Variants in DLG4 observed in about 807,000 individuals in gnomAD.
DLG4 encodes discs large MAGUK scaffold protein 4, also known as disks large homolog 4.
DLG4 carries 7 observed loss-of-function variants against 93.8 expected under a neutral mutation model. The ratio of observed to expected loss-of-function variants is 0.07; its 90% CI spans 0.04 to 0.14. The LOEUF is 0.14. Ranked by LOEUF, DLG4 falls within the 10% of genes least tolerant of loss-of-function variation. The pLI, the probability that DLG4 is intolerant of heterozygous loss-of-function variation, is 1.00. For missense variants in DLG4, 545 were observed against 992.9 expected (o/e 0.55, Z 6.06); for synonymous variants, 341 against 387.6 (o/e 0.88, Z 1.41).
intron 2 of DLG4, among the ~76,000 whole-genome samples, chr17:7,206,835 G>T (rs1040107050): frequency 1.3e-5 from 2 of 151,958 alleles, no homozygotes; most frequent in Non-Finnish European, 2.9e-5. Context: ...CATCTTCTTG[G>T]TGAAATGTCA....
intron 2 of DLG4, among the ~76,000 whole-genome samples, chr17:7,206,329 C>A (rs2070461489): frequency 6.6e-6 from 1 of 152,152 alleles, no homozygotes; most frequent in Non-Finnish European, 1.5e-5. Context: ...AGATTATTCT[C>A]AAGTAACAAT....
At position 7,193,141 on chromosome 17, in the gene DLG4, C is replaced by G. The variant is rs371000737; in HGVS notation, c.1694-24G>C. On this transcript the variant is annotated intron_variant, in intron 16 of 19. Transcript: ENST00000399506. This position sits in a 1 kb window ranked among gnomAD's most constrained non-coding sequence, Gnocchi z 6.7. The stretch of plus-strand genomic sequence containing the variant: ...ATCTGCCAGGAAGTCACCCCACCCC[C>G]CAAAGATCTAACCACCATCCCTCTA... The G allele has an allele frequency of 3.1e-6, 5 of 1,612,950 alleles. No individual in the cohort carries two copies. Among genetic ancestry groups the G allele is most frequent in the South Asian group, 2.2e-5 (2 of 90,992 alleles).
At chr17:7,199,979 CA>C (rs758701276) in intron 8 of DLG4, among the ~76,000 whole-genome samples, 171 of 54,256 alleles carry the variant, frequency 3.2e-3, no homozygotes, top group East Asian at 0.021. Flanking sequence ...GACTCCGTCT[CA>C]AAAAAAAAAA....
chr17:7,209,317 G>A (rs1018171861), intron 1 of DLG4, among the ~76,000 whole-genome samples: 1 of 152,292 alleles, frequency 6.6e-6, no homozygotes, highest in South Asian at 2.1e-4. Flanking sequence ...AGAAGACAGC[G>A]TTTCTGCCTG....
Position 7,194,312 on chromosome 17 carries a change from G to A in DLG4, c.1478+7C>T. Reference sequence around the variant, plus strand: ...GGCAGGAAGGCTACAGAGCCCAGGAGCCTCACCGCCGTTTGCTGGGGATGA... The same window carrying A: ...GGCAGGAAGGCTACAGAGCCCAGGAACCTCACCGCCGTTTGCTGGGGATGA... On this transcript the variant is annotated splice_region_variant and intron_variant, in intron 12 of 19. Coordinates refer to ENST00000399506, the MANE Select transcript of DLG4 (RefSeq NM_001321075.3). The surrounding 1 kb of genome is among the most constrained non-coding windows in gnomAD (Gnocchi z 4.4). The A allele has an allele frequency of 6.2e-7, 1 of 1,600,810 alleles. No homozygotes were observed. The highest frequency in any genetic ancestry group is 8.5e-7 in the Non-Finnish European group (1 of 1,174,436).
intron 1 of DLG4, among the ~76,000 whole-genome samples, chr17:7,212,230 TCTC>T (rs1247792177): frequency 2.0e-5 from 3 of 152,076 alleles, no homozygotes; most frequent in African/African-American, 7.2e-5. Context: ...GTGGATAGCA[TCTC>T]CTCAGATTCC....
At position 7,203,599 on chromosome 17, in the gene DLG4, A is replaced by T; in HGVS notation, c.336-6T>A. The T allele has an allele frequency of 6.2e-7, 1 of 1,609,512 alleles. No individual in the cohort carries two copies. Among genetic ancestry groups the T allele is most frequent in the African/African-American group, 1.3e-5 (1 of 74,954 alleles). ...ACAGGATGCTGTCGTTGACCCTGGG[A>T]GCAGCAAGGTGGGCCTGAGCCAAGA... On this transcript the variant is annotated splice_polypyrimidine_tract_variant and splice_region_variant and intron_variant, in intron 5 of 19. Transcript: ENST00000399506. The surrounding 1 kb of genome is among the most constrained non-coding windows in gnomAD (Gnocchi z 7.2).
intron 8 of DLG4, 54 bp downstream of exon 8, chr17:7,202,849 C>A (rs1475541021): frequency 6.2e-7 from 1 of 1,604,876 alleles, no homozygotes; most frequent in South Asian, 1.1e-5. Flanking sequence ...GACTGCATGT[C>A]ATGGGTTAAA....
chr17:7,191,908 G>A lies in DLG4; in HGVS notation c.1961C>T (p.Ser654Phe), dbSNP rs752934560. ...CCATACTCACAGCACATTCTCCAGG[G>A]AGCGGGGGCGGATGAAGATGGCGAT... ...HPIAIFIRPRSLENVLEINKR... is the reference protein window; with the variant it reads ...HPIAIFIRPRFLENVLEINKR... The change falls in exon 18 of 20, where the codon TCC (serine) becomes TTC (phenylalanine). Residue 654 changes from serine to phenylalanine, a missense_variant. Transcript: ENST00000399506. The surrounding 1 kb of genome is among the most constrained non-coding windows in gnomAD (Gnocchi z 6.6). 8.1e-6 allele frequency: 12 copies of A among 1,485,514 alleles called. No individual in the cohort carries two copies. The highest frequency in any genetic ancestry group is 1.1e-5 in the Non-Finnish European group (12 of 1,115,248). The allele number at this position is 1,485,514 out of a possible 1,614,324, so 92.0% of individuals were successfully genotyped here.
At chr17:7,213,061 ATTTTCC>A (rs2070768704) in intron 1 of DLG4, among the ~76,000 whole-genome samples, 1 of 133,602 alleles carries the variant, frequency 7.5e-6, no homozygotes, top group Non-Finnish European at 1.7e-5. Flanking sequence ...AATTAAAAGT[ATTTTCC>A]TTTTCCTTTT....
Position 7,193,777 on chromosome 17 carries a change from C to G in DLG4, c.1544-63G>C, listed in dbSNP as rs1047409808. On this transcript the variant is annotated intron_variant, in intron 14 of 19. Transcript: ENST00000399506. This position sits in a 1 kb window ranked among gnomAD's most constrained non-coding sequence, Gnocchi z 6.7. ...CAGGGGACCTGGAGCCCTGTCTCCC[C>G]CTTGAGGATATCAAAAGCAACTCAG... 21 of 1,611,194 alleles carry G rather than the reference C, an allele frequency of 1.3e-5. No individual in the cohort carries two copies. Among genetic ancestry groups the G allele is most frequent in the African/African-American group, 2.7e-5 (2 of 74,864 alleles).
chr17:7,189,102 ACT>A lies in DLG4; in HGVS notation c.*1604_*1605del, dbSNP rs1415887838. Among the ~76,000 whole-genome samples the A allele has an allele frequency of 5.7e-5, 8 of 139,298 alleles. No individual in the cohort carries two copies. The highest frequency in any genetic ancestry group is 1.2e-4 in the Non-Finnish European group (8 of 65,596). 91.4% of individuals were successfully genotyped at this position (139,298 alleles called of 152,430 possible). ...ACTCCAGCCTGAGCGAAAGAGCGAA[ACT>A]CTGTCTCAAAAAAAAAAAAAAAAGG... On this transcript the variant is annotated 3_prime_UTR_variant, in exon 20 of 20. Coordinates refer to ENST00000399506, the MANE Select transcript of DLG4 (RefSeq NM_001321075.3).
rs374936006 is a variant in DLG4 at position 7,203,996 on chromosome 17, G to A, written c.210+12C>T. 7.5e-6 allele frequency: 12 copies of A among 1,610,608 alleles called. No individual in the cohort carries two copies. Among genetic ancestry groups the A allele is most frequent in the Non-Finnish European group, 9.3e-6 (11 of 1,178,550 alleles). On this transcript the variant is annotated intron_variant, in intron 4 of 19. Transcript: ENST00000399506. The surrounding 1 kb of genome is among the most constrained non-coding windows in gnomAD (Gnocchi z 7.2). ...GAGGCCACGGGGACTGCCGATGGAG[G>A]AGCCTGCTCACCCTTTCCAATGTGA...
rs775744533 is a variant in DLG4, at chr17:7,208,096, G to A, written c.96+78C>T. The A allele has an allele frequency of 1.2e-5, 16 of 1,316,870 alleles. No homozygotes were observed. The highest frequency in any genetic ancestry group is 5.8e-5 in the South Asian group (2 of 34,262). The allele number at this position is 1,316,870 out of a possible 1,614,324, so 81.6% of individuals were successfully genotyped here. ...CTACCTTGAAGGGGGAGAGGTGGGC[G>A]TGGCCCACGACCCCGTGGCCAGCCT... On this transcript the variant is annotated intron_variant, in intron 2 of 19. Coordinates refer to ENST00000399506, the MANE Select transcript of DLG4 (RefSeq NM_001321075.3). This position sits in a 1 kb window ranked among gnomAD's most constrained non-coding sequence, Gnocchi z 5.4.
intron 2 of DLG4, among the ~76,000 whole-genome samples, chr17:7,205,982 G>T (rs146749805): frequency 1.4e-3 from 208 of 150,766 alleles, no homozygotes; most frequent in Admixed American, 2.8e-3. Context: ...TCCCTGTCTC[G>T]CCCTTCAACA....
chr17:7,196,813 C>A lies in DLG4; in HGVS notation c.1027G>T (p.Ala343Ser). 1 of 1,612,588 alleles carries A rather than the reference C, an allele frequency of 6.2e-7. No homozygotes were observed. The highest frequency in any genetic ancestry group is 8.5e-7 in the Non-Finnish European group (1 of 1,179,380). ...GEGIFISFIL[A>S]GGPADLSGEL... is the part of the protein sequence containing the mutation. ...CCACTGAGGTCTGCAGGGCCCCCGG[C>A]CAGGATAAAGGAGATGAAGATGCCT... is the stretch of plus-strand genomic sequence containing the variant. Residue 343 changes from alanine (A) to serine (S), a missense_variant, in exon 9 of 20, where the codon GCC becomes TCC. This residue lies in a region of DLG4 where 428 missense variants were observed against 741.4 expected (regional missense o/e 0.58). Coordinates refer to ENST00000399506, the MANE Select transcript of DLG4 (RefSeq NM_001321075.3). This position sits in a 1 kb window ranked among gnomAD's most constrained non-coding sequence, Gnocchi z 8.3.
chr17:7,199,894 G>C (rs2070023113), intron 8 of DLG4, among the ~76,000 whole-genome samples: 1 of 151,542 alleles, frequency 6.6e-6, no homozygotes, highest in Admixed American at 6.6e-5. Flanking sequence ...GCAGGAGAAT[G>C]GCATGAACCC....
At chr17:7,207,525 G>A (rs1014497797) in intron 2 of DLG4, among the ~76,000 whole-genome samples, 14 of 152,054 alleles carry the variant, frequency 9.2e-5, no homozygotes, top group Admixed American at 3.9e-4. Flanking sequence ...GCCCAGAGGC[G>A]GAGGTAGGGG....
chr17:7,198,327 A>G (rs929928134), intron 8 of DLG4, among the ~76,000 whole-genome samples: 1 of 152,030 alleles, frequency 6.6e-6, no homozygotes, highest in Non-Finnish European at 1.5e-5. Context: ...TACTAAAAAT[A>G]CAAAAATAGG....
Sources: allele counts gnomAD v4.1 joint callset (sites outside exome capture counted in the v4.1 genomes callset), GRCh38; gene constraint gnomAD v4.1.1; regional missense constraint gnomAD v4.1.1; non-coding constraint Gnocchi (gnomAD v3.1); transcripts MANE v1.5; gene names NCBI Gene and HGNC (gene_info 2026-07-23, HGNC 2026-07-21).